POLR3B: variants seen among roughly 807,000 people sequenced by gnomAD.
POLR3B encodes the protein DNA-directed RNA polymerase III subunit RPC2.
Under a neutral mutation model 147.4 loss-of-function variants are expected in POLR3B, and 96 were observed. That is an observed-to-expected ratio of 0.65 (90% CI 0.55 to 0.77). The LOEUF (loss-of-function observed/expected upper bound fraction) is 0.77, where lower values mean the gene tolerates loss of function less well. Among genes scored for constraint, POLR3B ranks in the 30% least tolerant of loss-of-function variants. The pLI, the probability that POLR3B is intolerant of heterozygous loss-of-function variation, is 0.00. For missense variants in POLR3B, 1,036 were observed against 1,413.5 expected (o/e 0.73, Z 4.28); for synonymous variants, 461 against 485.9 (o/e 0.95, Z 0.67).
intron 23 of POLR3B, among the ~76,000 whole-genome samples, chr12:106,468,268 G>T (rs12369273): frequency 6.6e-6 from 1 of 152,008 alleles, no homozygotes; most frequent in Non-Finnish European, 1.5e-5. Context: ...TCTGATGGTA[G>T]TTTGTATTTC....
intron 11 of POLR3B, among the ~76,000 whole-genome samples, chr12:106,408,356 C>T (rs1195437776): frequency 6.6e-6 from 1 of 152,158 alleles, no homozygotes; most frequent in African/African-American, 2.4e-5. Flanking sequence ...GGTATACTGG[C>T]CTTTCAGTTC....
At chr12:106,423,563 T>TA (rs2037398647) in intron 12 of POLR3B, among the ~76,000 whole-genome samples, 1 of 152,140 alleles carries the variant, frequency 6.6e-6, no homozygotes, top group Non-Finnish European at 1.5e-5. Flanking sequence ...CCTGAGAACC[T>TA]AGAGTTCTGA....
intron 7 of POLR3B, among the ~76,000 whole-genome samples, chr12:106,377,338 A>G (rs2036695308): frequency 1.3e-5 from 2 of 152,352 alleles, no homozygotes; most frequent in Admixed American, 6.5e-5. Flanking sequence ...GCATTGTTTT[A>G]GAATCCCAGA....
intron 26 of POLR3B, among the ~76,000 whole-genome samples, chr12:106,503,286 G>A (rs1228850241): frequency 6.6e-6 from 1 of 152,150 alleles, no homozygotes; most frequent in Non-Finnish European, 1.5e-5. Context: ...ATTTCAGTAT[G>A]TGTTGGCATA....
At chr12:106,488,313 T>A (rs1374232160) in intron 23 of POLR3B, among the ~76,000 whole-genome samples, 1 of 152,234 alleles carries the variant, frequency 6.6e-6, no homozygotes, top group Non-Finnish European at 1.5e-5. Context: ...TGATTAAGAA[T>A]CTCTAGAGCC....
chr12:106,400,342 T>G (rs1346106908), intron 10 of POLR3B, among the ~76,000 whole-genome samples: 4 of 152,160 alleles, frequency 2.6e-5, no homozygotes, highest in Non-Finnish European at 4.4e-5. Context: ...AGCAAGTCCT[T>G]AGTGACCTAG....
chr12:106,410,210 G>C (rs2037207015), intron 11 of POLR3B: 2 of 153,014 alleles, frequency 1.3e-5, no homozygotes, highest in South Asian at 4.1e-4. Flanking sequence ...GGAGGAGGGA[G>C]TTCTCATTTC....
chr12:106,501,004 A>G (rs2038591358), intron 25 of POLR3B, among the ~76,000 whole-genome samples: 1 of 152,232 alleles, frequency 6.6e-6, no homozygotes, highest in Non-Finnish European at 1.5e-5. Context: ...GAGATTAATT[A>G]GAAGATTATC....
Position 106,496,951 on chromosome 12 carries a change from A to G in POLR3B, c.2984+33A>G, listed in dbSNP as rs751069253. ...TGCGATTGAGCTATTTTAAAGAAAA[A>G]GAATGGTTTTACTAGGATAGGGGAG... On this transcript the variant is annotated intron_variant, in intron 25 of 27. Transcript: ENST00000228347. 1.9e-5 allele frequency: 30 copies of G among 1,604,346 alleles called. No individual in the cohort carries two copies. The South Asian group carries it at 3.0e-4, about 16-fold the overall frequency.
At chr12:106,361,045 T>C (rs1032189561) in intron 1 of POLR3B, among the ~76,000 whole-genome samples, 2 of 152,120 alleles carry the variant, frequency 1.3e-5, no homozygotes, top group Non-Finnish European at 2.9e-5. Context: ...GCACAGCATA[T>C]GATGTATGCC....
chr12:106,378,203 C>T lies in POLR3B; in HGVS notation c.497-64C>T. On this transcript the variant is annotated intron_variant, in intron 7 of 27. Coordinates refer to ENST00000228347, the MANE Select transcript of POLR3B (RefSeq NM_018082.6). ...TAATCTCTGATTCACAAGATTCCTG[C>T]CATTACTAAATCAACACTGGTTGAG... 4.2e-6 allele frequency: 4 copies of T among 956,010 alleles called. No individual in the cohort carries two copies. In the Admixed American group the frequency reaches 6.8e-5, roughly 16 times the overall value. 59.2% of individuals were successfully genotyped at this position (956,010 alleles called of 1,614,324 possible). A position where few individuals can be genotyped will look rare whatever the true frequency, so the allele number is the denominator to read the frequency against.
intron 23 of POLR3B, among the ~76,000 whole-genome samples, chr12:106,468,797 G>C (rs571192057): frequency 6.6e-6 from 1 of 152,298 alleles, no homozygotes; most frequent in South Asian, 2.1e-4. Context: ...TTGTGCTGTG[G>C]TCTGAGAGAC....
chr12:106,479,765 G>C (rs967332756), intron 23 of POLR3B, among the ~76,000 whole-genome samples: 1 of 129,344 alleles, frequency 7.7e-6, no homozygotes, highest in Non-Finnish European at 1.7e-5. Flanking sequence ...TTTCTTTTTA[G>C]TTTTCTTCTG....
rs1438905212 is a variant in POLR3B, at chr12:106,357,902, T to C, written c.23T>C (p.Phe8Ser). 6.2e-6 allele frequency: 10 copies of C among 1,613,446 alleles called. No individual in the cohort carries two copies. In the African/African-American group the frequency reaches 6.7e-5, roughly 11 times the overall value. ...AGCATGGACGTGCTAGCGGAGGAGT[T>C]TGGGAACCTGACTCCGGAGCAGCTG... Reference protein sequence around the residue: MDVLAEEFGNLTPEQLAA... With the variant: MDVLAEESGNLTPEQLAA... The change falls in exon 1 of 28, where the codon TTT becomes TCT. Residue 8 changes from phenylalanine to serine, a missense_variant. By Grantham distance (155) the Phe-to-Ser change is radical (BLOSUM62 -2). Around this residue, in one of 12 missense-constraint regions of POLR3B, gnomAD observed 150 missense variants for 145.5 expected, o/e 1.03. Transcript: ENST00000228347.
intron 10 of POLR3B, among the ~76,000 whole-genome samples, chr12:106,402,570 TACAGTA>T (rs1446352143): frequency 2.0e-5 from 3 of 152,160 alleles, no homozygotes; most frequent in Non-Finnish European, 4.4e-5. Flanking sequence ...ACCACAAGTC[TACAGTA>T]ACCAAAACAG....
chr12:106,359,866 G>A (rs753857137), intron 1 of POLR3B, among the ~76,000 whole-genome samples: 1 of 152,190 alleles, frequency 6.6e-6, no homozygotes, highest in Non-Finnish European at 1.5e-5. Flanking sequence ...AGTCTGACTC[G>A]AGTCTTCATC....
At chr12:106,433,587 G>A (rs1196723696) in intron 15 of POLR3B, 132 bp from the exon 16 acceptor site, 2 of 682,120 alleles carry the variant, frequency 2.9e-6, no homozygotes, top group Non-Finnish European at 4.9e-6. Context: ...CTTGTGGACT[G>A]GCTGCAGGTG....
In POLR3B at chr12:106,408,672, G is replaced by A. The variant is rs183645463; in HGVS notation, c.967-2154G>A. Among the ~76,000 whole-genome samples the A allele has an allele frequency of 1.6e-4, 25 of 152,264 alleles. 1 individual carries two copies. Among genetic ancestry groups the A allele is most frequent in the Middle Eastern group, 6.8e-3 (2 of 294 alleles). ...AATTCTGTGTCAGCATTCTGGGTTC[G>A]TTTGTTAGTCCTTTTTTCTCCCCCT... On this transcript the variant is annotated intron_variant, in intron 11 of 27. Coordinates refer to ENST00000228347, the MANE Select transcript of POLR3B (RefSeq NM_018082.6).
chr12:106,398,186 T>A (rs956633192), intron 10 of POLR3B, among the ~76,000 whole-genome samples: 1 of 152,182 alleles, frequency 6.6e-6, no homozygotes, highest in Admixed American at 6.5e-5. Context: ...GGAGATTATA[T>A]CCCGCACATG....
Sources: allele counts gnomAD v4.1 joint callset (sites outside exome capture counted in the v4.1 genomes callset), GRCh38; gene constraint gnomAD v4.1.1; regional missense constraint gnomAD v4.1.1; transcripts MANE v1.5; gene names NCBI Gene and HGNC (gene_info 2026-07-23, HGNC 2026-07-21).